The following ENTREP2 variants were observed in gnomAD, a reference collection of about 807,000 sequenced individuals.
The protein encoded by ENTREP2 is endosomal transmembrane epsin interactor 2.
the ENTREP2 span, among the ~76,000 whole-genome samples, chr15:29,333,521 C>T: frequency 7.6e-4 from 115 of 152,234 alleles, no homozygotes; most frequent in African/African-American, 2.5e-3. Flanking sequence ...CCCGGGCACC[C>T]GGCTTTGGGG....
the ENTREP2 span, among the ~76,000 whole-genome samples, chr15:29,420,856 T>C: frequency 6.6e-6 from 1 of 152,318 alleles, no homozygotes; most frequent in African/African-American, 2.4e-5. Flanking sequence ...CAGACCACAA[T>C]GCAGCAACAT....
At chr15:29,302,876 A>G in the ENTREP2 span, among the ~76,000 whole-genome samples, 3 of 152,272 alleles carry the variant, frequency 2.0e-5, no homozygotes, top group Non-Finnish European at 4.4e-5. Context: ...AAATGCCACA[A>G]TAATGGAAGA....
chr15:29,355,183 C>A, the ENTREP2 span, among the ~76,000 whole-genome samples: 1 of 152,186 alleles, frequency 6.6e-6, no homozygotes, highest in Non-Finnish European at 1.5e-5. Flanking sequence ...GGAGCCAGGG[C>A]AGCTCTCAGC....
chr15:29,439,289 ACACACACAC>A, the ENTREP2 span, among the ~76,000 whole-genome samples: 1,526 of 98,644 alleles, frequency 0.015, 27 homozygotes, highest in Middle Eastern at 0.029. Flanking sequence ...GGAATTACAC[ACACACACAC>A]ACACACACAC....
the ENTREP2 span, among the ~76,000 whole-genome samples, chr15:29,542,032 G>C: frequency 1.3e-5 from 2 of 152,110 alleles, no homozygotes; most frequent in Non-Finnish European, 2.9e-5. Flanking sequence ...GGTTTGGTTT[G>C]AGAGTCTCGC....
the ENTREP2 span, among the ~76,000 whole-genome samples, chr15:29,311,036 A>C: frequency 6.6e-6 from 1 of 152,102 alleles, no homozygotes; most frequent in African/African-American, 2.4e-5. Context: ...AAGAAGGAAG[A>C]GACAAATTAC....
chr15:29,530,000 C>T, the ENTREP2 span, among the ~76,000 whole-genome samples: 1 of 152,140 alleles, frequency 6.6e-6, no homozygotes, highest in South Asian at 2.1e-4. Flanking sequence ...CACACGGCCT[C>T]TGCAGACCTC....
At chr15:29,512,721 T>C in the ENTREP2 span, among the ~76,000 whole-genome samples, 1 of 152,250 alleles carries the variant, frequency 6.6e-6, no homozygotes, top group African/African-American at 2.4e-5. Context: ...GACCTGGGAC[T>C]TCTCAGCCTC....
At chr15:29,516,154 G>A in the ENTREP2 span, among the ~76,000 whole-genome samples, 1 of 151,978 alleles carries the variant, frequency 6.6e-6, no homozygotes, top group Non-Finnish European at 1.5e-5. Context: ...TTGCACTTAG[G>A]GGATGGGACC....
the ENTREP2 span, among the ~76,000 whole-genome samples, chr15:29,457,043 G>T: frequency 2.0e-5 from 3 of 152,198 alleles, no homozygotes; most frequent in Non-Finnish European, 2.9e-5. Context: ...CCTTCACAGG[G>T]CCCCGTGTTC....
chr15:29,308,218 A>C, the ENTREP2 span, among the ~76,000 whole-genome samples: 3 of 152,100 alleles, frequency 2.0e-5, no homozygotes, highest in Non-Finnish European at 2.9e-5. Context: ...TCTACTAAAA[A>C]TACAAAAATT....
chr15:29,244,200 C>A, the ENTREP2 span, among the ~76,000 whole-genome samples: 1 of 152,202 alleles, frequency 6.6e-6, no homozygotes, highest in Non-Finnish European at 1.5e-5. Context: ...ATATGATCAT[C>A]TTCAGAGATG....
chr15:29,348,071 G>T, the ENTREP2 span, among the ~76,000 whole-genome samples: 1 of 152,140 alleles, frequency 6.6e-6, no homozygotes, highest in Non-Finnish European at 1.5e-5. Flanking sequence ...AGAGTGAGGG[G>T]AAATCTATAA....
At chr15:29,488,855 G>A in the ENTREP2 span, among the ~76,000 whole-genome samples, 1 of 152,066 alleles carries the variant, frequency 6.6e-6, no homozygotes, top group African/African-American at 2.4e-5. Context: ...AAAAATGAAG[G>A]AGAAATTTAC....
chr15:29,374,495 C>T, the ENTREP2 span: 7 of 152,260 alleles, frequency 4.6e-5, no homozygotes, highest in East Asian at 9.6e-4. Context: ...TCCATCCGCC[C>T]TCCTTTACAG....
the ENTREP2 span, among the ~76,000 whole-genome samples, chr15:29,662,185 TGG>T: frequency 1.7e-5 from 2 of 117,908 alleles, no homozygotes. Context: ...CATTCCAGCC[TGG>T]GTGATGGGAG....
chr15:29,561,652 C>T, the ENTREP2 span, among the ~76,000 whole-genome samples: 99 of 151,794 alleles, frequency 6.5e-4, no homozygotes, highest in Middle Eastern at 3.4e-3. Flanking sequence ...TACGCCACTG[C>T]GCTCCAGCCT....
chr15:29,674,698 G>T, the ENTREP2 span, among the ~76,000 whole-genome samples: 2 of 150,094 alleles, frequency 1.3e-5, no homozygotes, highest in Non-Finnish European at 3.0e-5. Context: ...GGAAAAGGAG[G>T]CATGCCGGGG....
At chr15:29,175,872 C>T in the ENTREP2 span, among the ~76,000 whole-genome samples, 1 of 152,244 alleles carries the variant, frequency 6.6e-6, no homozygotes, top group Non-Finnish European at 1.5e-5. Flanking sequence ...TCCCAAAGTG[C>T]TGGGATAACA....
Sources: gnomAD v4.1 joint callset for allele counts (sites outside exome capture counted in the v4.1 genomes callset) on GRCh38, gnomAD v4.1.1 for gene constraint, MANE v1.5 for transcripts, NCBI Gene and HGNC (gene_info 2026-07-23, HGNC 2026-07-21) for gene names.